The following CLEC3B variants were observed in gnomAD, a reference collection of about 807,000 sequenced individuals.
The protein encoded by CLEC3B is tetranectin.
In CLEC3B, 13 loss-of-function variants were observed where a neutral mutation model predicts 15.4. That is an observed-to-expected ratio of 0.84 (90% CI 0.55 to 1.34). The LOEUF is 1.34. Ranked by LOEUF, CLEC3B falls within the 40% of genes most tolerant of loss-of-function variation. CLEC3B has a pLI of 0.00. For synonymous variants in CLEC3B, 112 were observed against 114.7 expected (o/e 0.98, Z 0.15); for missense variants, 242 against 268.6 (o/e 0.90, Z 0.69).
At chr3:45,033,800 G>A (rs1400217878) in intron 2 of CLEC3B, among the ~76,000 whole-genome samples, 3 of 152,190 alleles carry the variant, frequency 2.0e-5, no homozygotes, top group African/African-American at 7.2e-5. Context: ...TGTGTTGGAG[G>A]GAGGTTCAGG....
At chr3:45,034,032 G>A (rs1388244782) in intron 2 of CLEC3B, among the ~76,000 whole-genome samples, 1 of 152,228 alleles carries the variant, frequency 6.6e-6, no homozygotes, top group Non-Finnish European at 1.5e-5. Context: ...CGGGGCAAGA[G>A]GGCTTATGGG....
At position 45,026,464 on chromosome 3, in the gene CLEC3B, C is replaced by T. The variant is rs1437166410; in HGVS notation, c.102C>T (p.Ala34=). Reference sequence around the variant, plus strand: ...AGAAGCCCAAGAAGATTGTAAATGCCAAGAAAGGTAAGGAGGGGGACAGAG... The same window carrying T: ...AGAAGCCCAAGAAGATTGTAAATGCTAAGAAAGGTAAGGAGGGGGACAGAG... ...PTQKPKKIVN[A]KKDVVNTKMF... The change falls in exon 1 of 3, where the codon GCC becomes GCT. Residue 34 remains alanine (A), a synonymous_variant. Transcript: ENST00000296130. 1 of 1,613,998 alleles carries T rather than the reference C, an allele frequency of 6.2e-7. No individual in the cohort carries two copies. The highest frequency in any genetic ancestry group is 1.1e-5 in the South Asian group (1 of 91,066).
chr3:45,031,756 C>T (rs903088507), intron 2 of CLEC3B, among the ~76,000 whole-genome samples: 3 of 152,222 alleles, frequency 2.0e-5, no homozygotes, highest in Admixed American at 6.5e-5. Context: ...CACATACCTC[C>T]GATTTACCTA....
Position 45,035,911 on chromosome 3 carries a change from TCGG to T in CLEC3B, c.597_599del (p.Phe199_Gly200delinsLeu). 6.3e-7 allele frequency: 1 copy of T among 1,589,238 alleles called. No homozygotes were observed. Among genetic ancestry groups the T allele is most frequent in the Non-Finnish European group, 8.6e-7 (1 of 1,166,154 alleles). ...GATCAGCTGCCCTACATCTGCCAGT[TCGG>T]GATCGTGTAGCCGGCGGGGCGGGGG... On this transcript the variant is annotated inframe_deletion, in exon 3 of 3. Coordinates refer to ENST00000296130, the MANE Select transcript of CLEC3B (RefSeq NM_003278.3).
intron 1 of CLEC3B, among the ~76,000 whole-genome samples, chr3:45,027,773 T>C (rs1697503291): frequency 6.6e-6 from 1 of 152,198 alleles, no homozygotes; most frequent in Non-Finnish European, 1.5e-5. Context: ...TAGTTACGTC[T>C]ATGAGCATTA....
rs750319240 is a variant in CLEC3B at position 45,026,368 on chromosome 3, G to A, written c.6G>A (p.Glu2=). 1 of 1,613,630 alleles carries A rather than the reference G, an allele frequency of 6.2e-7. No individual in the cohort carries two copies. The highest frequency in any genetic ancestry group is 8.5e-7 in the Non-Finnish European group (1 of 1,179,876). ...GCCCCCGCCCGCGCAGCAGCATGGA[G>A]CTCTGGGGGGCCTACCTCCTCCTCT... M[E]LWGAYLLLCL... Residue 2 remains glutamate (E), a synonymous_variant, in exon 1 of 3, where the codon GAG becomes GAA. Coordinates refer to ENST00000296130, the MANE Select transcript of CLEC3B (RefSeq NM_003278.3).
intron 2 of CLEC3B, among the ~76,000 whole-genome samples, chr3:45,032,837 C>A (rs1321954807): frequency 6.6e-6 from 1 of 152,204 alleles, no homozygotes; most frequent in African/African-American, 2.4e-5. Context: ...AGAAGTTTCA[C>A]CTCATGGTCT....
At chr3:45,030,722 A>C (rs1697541976) in intron 1 of CLEC3B, 105 bp from the exon 2 acceptor site, 1 of 733,566 alleles carries the variant, frequency 1.4e-6, no homozygotes, top group Admixed American at 2.7e-5. Context: ...GTTTCCCAAG[A>C]TATCAAGGTT....
Position 45,026,357 on chromosome 3 carries a change from A to G in CLEC3B, c.-6A>G. On this transcript the variant is annotated 5_prime_UTR_variant, in exon 1 of 3. Coordinates refer to ENST00000296130, the MANE Select transcript of CLEC3B (RefSeq NM_003278.3). ...AGGCAGCAGCAGCCCCCGCCCGCGC[A>G]GCAGCATGGAGCTCTGGGGGGCCTA... 6.2e-7 allele frequency: 1 copy of G among 1,612,692 alleles called. No individual in the cohort carries two copies. The highest frequency in any genetic ancestry group is 2.2e-5 in the East Asian group (1 of 44,854).
chr3:45,030,854 A>G lies in CLEC3B; in HGVS notation c.137A>G (p.Glu46Gly), dbSNP rs767374478. The G allele has an allele frequency of 1.2e-5, 19 of 1,595,682 alleles. No homozygotes were observed. Among genetic ancestry groups the G allele is most frequent in the Non-Finnish European group, 1.5e-5 (18 of 1,170,956 alleles). The change falls in exon 2 of 3, where the codon GAG (glutamate) becomes GGG (glycine). Residue 46 changes from glutamate to glycine, a missense_variant. Glu to Gly is a moderately conservative substitution (Grantham distance 98, BLOSUM62 -2). Coordinates refer to ENST00000296130, the MANE Select transcript of CLEC3B (RefSeq NM_003278.3). ...KDVVNTKMFE[E>G]LKSRLDTLAQ... ...GTTGTGAACACAAAGATGTTTGAGG[A>G]GCTCAAGAGCCGTCTGGACACCCTG...
intron 1 of CLEC3B, 127 bp from the exon 2 acceptor site, chr3:45,030,698 TAG>T (rs111640897): frequency 2.1e-5 from 14 of 657,592 alleles, no homozygotes; most frequent in Admixed American, 8.2e-5. Context: ...CCAGCAAGGA[TAG>T]AGAGAGAGAA....
rs1371856039 is a variant in CLEC3B, at chr3:45,035,854, CCAACGG to C, written c.543_548del (p.Asn181_Gly182del). 2 of 1,612,476 alleles carry C rather than the reference CCAACGG, an allele frequency of 1.2e-6. No homozygotes were observed. The highest frequency in any genetic ancestry group is 1.7e-5 in the Admixed American group (1 of 60,006). On this transcript the variant is annotated inframe_deletion, in exon 3 of 3. Coordinates refer to ENST00000296130, the MANE Select transcript of CLEC3B (RefSeq NM_003278.3). Reference sequence around the variant, plus strand: ...AACTGCGCGGTCCTGTCAGGCGCGGCCAACGGCAAGTGGTTCGACAAGCGCTGCCGC... The same window carrying C: ...AACTGCGCGGTCCTGTCAGGCGCGGCCAAGTGGTTCGACAAGCGCTGCCGC...
rs1241812477 is a variant in CLEC3B at position 45,035,759 on chromosome 3, C to T, written c.444C>T (p.Thr148=). 6.2e-7 allele frequency: 1 copy of T among 1,613,720 alleles called. No individual in the cohort carries two copies. The highest frequency in any genetic ancestry group is 8.5e-7 in the Non-Finnish European group (1 of 1,179,982). ...CCGAGGGCACCTGGGTGGACATGAC[C>T]GGCGCCCGCATCGCCTACAAGAACT... is the stretch of plus-strand genomic sequence containing the variant. The part of the protein sequence containing the change: ...MAAEGTWVDM[T]GARIAYKNWE... The change falls in exon 3 of 3, where the codon ACC becomes ACT. Residue 148 remains threonine (T), a synonymous_variant. Transcript: ENST00000296130.
intron 1 of CLEC3B, 136 bp from the exon 2 acceptor site, chr3:45,030,691 G>A: frequency 3.2e-6 from 2 of 634,848 alleles, no homozygotes; most frequent in South Asian, 3.9e-5. Context: ...ACTACCACCA[G>A]CAAGGATAGA....
At chr3:45,034,585 A>G (rs1697611675) in intron 2 of CLEC3B, 1 of 152,272 alleles carries the variant, frequency 6.6e-6, no homozygotes, top group Non-Finnish European at 1.5e-5. Flanking sequence ...GAGAAATCAG[A>G]GTATGTCTAG....
At chr3:45,032,084 T>G (rs1480946111) in intron 2 of CLEC3B, among the ~76,000 whole-genome samples, 2 of 151,662 alleles carry the variant, frequency 1.3e-5, no homozygotes, top group African/African-American at 4.8e-5. Flanking sequence ...CCTCGAGTTA[T>G]CAGCTGGGAA....
intron 2 of CLEC3B, among the ~76,000 whole-genome samples, chr3:45,033,891 G>C (rs1011809239): frequency 6.6e-6 from 1 of 152,206 alleles, no homozygotes; most frequent in African/African-American, 2.4e-5. Flanking sequence ...ATCAACCCCT[G>C]TGCTAGGGAA....
In CLEC3B at chr3:45,030,864, C is replaced by T. The variant is rs752556358; in HGVS notation, c.147C>T (p.Ser49=). ...CAAAGATGTTTGAGGAGCTCAAGAG[C>T]CGTCTGGACACCCTGGCCCAGGAGG... ...VNTKMFEELK[S]RLDTLAQEVA... The change falls in exon 2 of 3, where the codon AGC becomes AGT. Residue 49 remains serine, a synonymous_variant. Coordinates refer to ENST00000296130, the MANE Select transcript of CLEC3B (RefSeq NM_003278.3). The T allele has an allele frequency of 2.5e-6, 4 of 1,596,500 alleles. No homozygotes were observed. In the South Asian group the frequency reaches 3.4e-5, roughly 14 times the overall value.
intron 2 of CLEC3B, 39 bp downstream of exon 2, chr3:45,030,964 G>T: frequency 7.0e-7 from 1 of 1,420,426 alleles, no homozygotes; most frequent in Non-Finnish European, 9.7e-7. Context: ...AGGAGCGTCT[G>T]AGAGAAGGGC....
Sources: allele counts gnomAD v4.1 joint callset (sites outside exome capture counted in the v4.1 genomes callset), GRCh38; gene constraint gnomAD v4.1.1; transcripts MANE v1.5; gene names NCBI Gene and HGNC (gene_info 2026-07-23, HGNC 2026-07-21).